The following GRM8 variants were observed in gnomAD, a reference collection of about 807,000 sequenced individuals.
The protein encoded by GRM8 is metabotropic glutamate receptor 8.
A neutral mutation model predicts 87.2 loss-of-function variants in GRM8; 47 were observed. The ratio of observed to expected loss-of-function variants is 0.54; its 90% confidence interval spans 0.43 to 0.69. The LOEUF (loss-of-function observed/expected upper bound fraction) is 0.69, where lower values mean the gene tolerates loss of function less well. Ranked by LOEUF, GRM8 falls within the 30% of genes least tolerant of loss-of-function variation. The pLI is 0.00. For synonymous variants in GRM8, 396 were observed against 404.5 expected, an observed-to-expected ratio of 0.98 and a Z score of 0.25; for missense variants, 1,019 against 1,139.2, an observed-to-expected ratio of 0.89 and a Z score of 1.52.
intron 6 of GRM8, among the ~76,000 whole-genome samples, chr7:126,809,322 C>A (rs1267638787): frequency 6.6e-6 from 1 of 152,158 alleles, no homozygotes. Flanking sequence ...AGGAGGTGAA[C>A]ATCTTTGAGG....
chr7:126,610,042 G>A (rs1327548178), intron 7 of GRM8, among the ~76,000 whole-genome samples: 1 of 152,152 alleles, frequency 6.6e-6, no homozygotes, highest in African/African-American at 2.4e-5. Flanking sequence ...CTCTCAATGG[G>A]TGAGGCATTG....
chr7:126,797,598 C>A (rs1027531056), intron 6 of GRM8, among the ~76,000 whole-genome samples: 1 of 151,988 alleles, frequency 6.6e-6, no homozygotes, highest in Non-Finnish European at 1.5e-5. Context: ...AAAGGCTGCT[C>A]CAATTTGAAG....
chr7:126,996,520 A>T (rs866880632), intron 3 of GRM8, among the ~76,000 whole-genome samples: 6 of 152,052 alleles, frequency 3.9e-5, no homozygotes, highest in Non-Finnish European at 5.9e-5. Context: ...ATGAATTTTT[A>T]AAAAAAGACC....
At chr7:127,095,007 G>T (rs1824501236) in intron 3 of GRM8, among the ~76,000 whole-genome samples, 1 of 152,164 alleles carries the variant, frequency 6.6e-6, no homozygotes, top group South Asian at 2.1e-4. Context: ...TCTGCTCAAT[G>T]GCTTCATGCA....
chr7:127,001,604 T>C (rs905626351), intron 3 of GRM8, among the ~76,000 whole-genome samples: 3 of 151,722 alleles, frequency 2.0e-5, no homozygotes, highest in Admixed American at 6.6e-5. Flanking sequence ...TCTCATACAA[T>C]GCTAGTTGCA....
chr7:126,561,335 G>A lies in GRM8; in HGVS notation c.1495-27448C>T, dbSNP rs534611693. On this transcript the variant is annotated intron_variant, in intron 8 of 10. Coordinates refer to ENST00000339582, the MANE Select transcript of GRM8 (RefSeq NM_000845.3). ...AAAATATAAAAATTAGCCGGGCGTG[G>A]TGGCTCGTGCCTGTGGTCCTAGCTA... Among the ~76,000 whole-genome samples the A allele has an allele frequency of 7.2e-5, 11 of 152,178 alleles. No individual in the cohort carries two copies. In the South Asian group the frequency reaches 1.5e-3, roughly 20 times the overall value.
At chr7:126,665,219 G>A (rs759782364) in intron 7 of GRM8, among the ~76,000 whole-genome samples, 1 of 152,084 alleles carries the variant, frequency 6.6e-6, no homozygotes, top group African/African-American at 2.4e-5. Context: ...TTACAACAGA[G>A]CTACCAATCA....
chr7:126,477,618 A>C (rs562467306), intron 9 of GRM8, among the ~76,000 whole-genome samples: 175 of 139,624 alleles, frequency 1.3e-3, no homozygotes, highest in Non-Finnish European at 9.8e-4. Context: ...AAAGAAAGAA[A>C]GAAAGAAAGA....
intron 2 of GRM8, among the ~76,000 whole-genome samples, chr7:127,203,361 C>T (rs1466717121): frequency 6.6e-6 from 1 of 152,118 alleles, no homozygotes; most frequent in Non-Finnish European, 1.5e-5. Context: ...ACACTCAAAA[C>T]TCAGCATCAC....
chr7:126,854,028 G>C (rs1218540956), intron 6 of GRM8, among the ~76,000 whole-genome samples: 2 of 152,158 alleles, frequency 1.3e-5, no homozygotes, highest in Non-Finnish European at 2.9e-5. Flanking sequence ...ATCAGGGTAG[G>C]AGAACTGGGG....
intron 3 of GRM8, among the ~76,000 whole-genome samples, chr7:126,970,407 C>T (rs1274250287): frequency 6.6e-6 from 1 of 152,158 alleles, no homozygotes; most frequent in East Asian, 1.9e-4. Flanking sequence ...TTCTGCTTTA[C>T]CTGGCATTTC....
At chr7:126,745,248 T>C (rs1210385897) in intron 7 of GRM8, among the ~76,000 whole-genome samples, 1 of 151,792 alleles carries the variant, frequency 6.6e-6, no homozygotes, top group East Asian at 1.9e-4. Flanking sequence ...GATTCTTATC[T>C]GTATAGATTC....
At chr7:127,172,088 A>T (rs1162662075) in intron 2 of GRM8, among the ~76,000 whole-genome samples, 1 of 152,132 alleles carries the variant, frequency 6.6e-6, no homozygotes, top group Non-Finnish European at 1.5e-5. Flanking sequence ...TGTTTTTAAA[A>T]ATGTAAAGTG....
chr7:127,086,710 T>G (rs1029354583), intron 3 of GRM8, among the ~76,000 whole-genome samples: 1 of 152,358 alleles, frequency 6.6e-6, no homozygotes, highest in African/African-American at 2.4e-5. Context: ...GCAACTGTTG[T>G]GTCCGTCTCC....
At chr7:126,813,494 G>A (rs1041868520) in intron 6 of GRM8, among the ~76,000 whole-genome samples, 2 of 152,082 alleles carry the variant, frequency 1.3e-5, no homozygotes, top group Non-Finnish European at 2.9e-5. Context: ...CAATGGATAT[G>A]AACAAAATTT....
intron 7 of GRM8, among the ~76,000 whole-genome samples, chr7:126,684,729 T>C (rs910186033): frequency 2.6e-5 from 4 of 152,218 alleles, no homozygotes; most frequent in African/African-American, 9.6e-5. Flanking sequence ...AAGGAAAGCC[T>C]GGGTAAAGTC....
intron 7 of GRM8, among the ~76,000 whole-genome samples, chr7:126,657,571 T>C (rs1012813830): frequency 2.0e-5 from 3 of 152,242 alleles, no homozygotes; most frequent in Admixed American, 6.5e-5. Context: ...GCATGTATAA[T>C]AGTTCCAAGC....
chr7:127,182,911 G>A (rs1794546873), intron 2 of GRM8, among the ~76,000 whole-genome samples: 1 of 151,068 alleles, frequency 6.6e-6, no homozygotes, highest in Non-Finnish European at 1.5e-5. Flanking sequence ...AGTGGGAGGG[G>A]GACTAGGGAT....
chr7:126,592,817 A>G (rs1796815922), intron 8 of GRM8, among the ~76,000 whole-genome samples: 1 of 151,918 alleles, frequency 6.6e-6, no homozygotes, highest in Non-Finnish European at 1.5e-5. Context: ...AGCAATAGGC[A>G]AGAGAAAGCA....
Sources: allele counts gnomAD v4.1 joint callset (sites outside exome capture counted in the v4.1 genomes callset), GRCh38; gene constraint gnomAD v4.1.1; transcripts MANE v1.5; gene names NCBI Gene and HGNC (gene_info 2026-07-23, HGNC 2026-07-21).